Variants in CNIH3 observed in about 807,000 individuals in gnomAD.
CNIH3 encodes cornichon family AMPA receptor auxiliary protein 3.
CNIH3 carries 14 observed loss-of-function variants against 24.1 expected under a neutral mutation model. The ratio of observed to expected loss-of-function variants is 0.58; its 90% confidence interval spans 0.38 to 0.91. The LOEUF (loss-of-function observed/expected upper bound fraction) is 0.91. Among genes scored for constraint, CNIH3 ranks in the 40% least tolerant of loss-of-function variants. CNIH3 has a pLI of 0.00. For synonymous variants in CNIH3, 68 were observed against 73.8 expected (o/e 0.92, Z 0.40); for missense variants, 178 against 196.8 (o/e 0.90, Z 0.57).
intron 2 of CNIH3, among the ~76,000 whole-genome samples, chr1:224,523,353 C>G (rs1304389543): frequency 6.6e-6 from 1 of 152,096 alleles, no homozygotes; most frequent in East Asian, 1.9e-4. Context: ...TTGCAATGAA[C>G]ACTTTGTAAA....
chr1:224,701,380 T>C (rs1057496008), intron 3 of CNIH3, among the ~76,000 whole-genome samples: 1 of 152,136 alleles, frequency 6.6e-6, no homozygotes, highest in African/African-American at 2.4e-5. Flanking sequence ...ATTCAGCATC[T>C]GTAGAGGGCC....
Position 224,704,717 on chromosome 1 carries a change from A to G in CNIH3, c.198+19874A>G, listed in dbSNP as rs1687686979. Among the ~76,000 whole-genome samples the G allele has an allele frequency of 6.6e-6, 1 of 152,206 alleles. No individual in the cohort carries two copies. The highest frequency in any genetic ancestry group is 2.1e-4 in the South Asian group (1 of 4,834). ...CATTGTCACACCAAAGAACATGGCT[A>G]TAATATTGTCACCTAGTCATAGTCA... On this transcript the variant is annotated intron_variant, in intron 3 of 5. Transcript: ENST00000272133. The surrounding 1 kb of genome is among the most constrained non-coding windows in gnomAD (Gnocchi z 4.2).
intron 1 of CNIH3, among the ~76,000 whole-genome samples, chr1:224,440,940 C>A (rs929128491): frequency 3.9e-5 from 6 of 152,078 alleles, no homozygotes; most frequent in African/African-American, 1.4e-4. Flanking sequence ...CCTCAGCCTC[C>A]CGAGTAGCTG....
rs1348149868 is a variant in CNIH3 at position 224,458,392 on chromosome 1, C to T, written n.203+23530C>T. 1.3e-5 allele frequency among the ~76,000 whole-genome samples: 2 copies of T among 152,238 alleles called. No homozygotes were observed. The highest frequency in any genetic ancestry group is 4.8e-5 in the African/African-American group (2 of 41,454). ...GGGCTCTGGCTCACTCCCCGTCCCT[C>T]ATCCTACCAGGTGTGAGGCTGCCAG... On this transcript the variant is annotated intron_variant and non_coding_transcript_variant, in intron 1 of 5. Coordinates refer to the CNIH3 transcript ENST00000471578. The surrounding 1 kb of genome is among the most constrained non-coding windows in gnomAD (Gnocchi z 4.3).
chr1:224,545,695 G>A (rs1021474710), intron 2 of CNIH3, among the ~76,000 whole-genome samples: 3 of 152,200 alleles, frequency 2.0e-5, no homozygotes, highest in African/African-American at 7.2e-5. Flanking sequence ...AAGAGTCTGG[G>A]TCAGGGACTT....
At chr1:224,719,656 A>G (rs529684925) in intron 3 of CNIH3, among the ~76,000 whole-genome samples, 46 of 152,276 alleles carry the variant, frequency 3.0e-4, no homozygotes, top group African/African-American at 1.0e-3. Context: ...TACTATTATT[A>G]TTATCATTTT....
At chr1:224,733,982 C>T (rs1193807382) in intron 4 of CNIH3, among the ~76,000 whole-genome samples, 2 of 152,218 alleles carry the variant, frequency 1.3e-5, no homozygotes, top group Non-Finnish European at 2.9e-5. Context: ...TGCTCCCCCT[C>T]CTCCTCTTTC....
At chr1:224,608,641 C>T (rs1031975414) in intron 3 of CNIH3, among the ~76,000 whole-genome samples, 5 of 152,188 alleles carry the variant, frequency 3.3e-5, no homozygotes, top group Non-Finnish European at 5.9e-5. Flanking sequence ...CAGGGCACGG[C>T]GCCGGGCTGT....
At chr1:224,635,733 A>G (rs1351358049) in intron 1 of CNIH3, among the ~76,000 whole-genome samples, 1 of 152,188 alleles carries the variant, frequency 6.6e-6, no homozygotes, top group African/African-American at 2.4e-5. Context: ...ACAGGGTCTC[A>G]CTTTGTTGCC....
At chr1:224,629,654 A>G (rs545496812) in intron 1 of CNIH3, among the ~76,000 whole-genome samples, 1 of 152,108 alleles carries the variant, frequency 6.6e-6, no homozygotes, top group South Asian at 2.1e-4. Flanking sequence ...TCTCTTGTGT[A>G]TGTATTCAGA....
intron 1 of CNIH3, among the ~76,000 whole-genome samples, chr1:224,448,248 AC>A (rs1331961079): frequency 5.2e-5 from 7 of 135,276 alleles, no homozygotes; most frequent in Admixed American, 2.1e-4. Flanking sequence ...CAAAAAACAC[AC>A]AAAAAAAATC....
At chr1:224,492,666 G>A (rs1324048484) in intron 1 of CNIH3, among the ~76,000 whole-genome samples, 1 of 151,934 alleles carries the variant, frequency 6.6e-6, no homozygotes, top group Non-Finnish European at 1.5e-5. Flanking sequence ...ATTTTATTTT[G>A]CTGATCTTGG....
chr1:224,554,829 C>T (rs142072372), intron 3 of CNIH3, among the ~76,000 whole-genome samples: 337 of 152,264 alleles, frequency 2.2e-3, no homozygotes, highest in African/African-American at 7.7e-3. Flanking sequence ...TCAAGTGATC[C>T]TTCTGCCTCG....
At chr1:224,636,425 C>T (rs1208293326) in intron 1 of CNIH3, among the ~76,000 whole-genome samples, 10 of 152,184 alleles carry the variant, frequency 6.6e-5, no homozygotes, top group South Asian at 2.1e-4. Context: ...CTATTCAGGA[C>T]GAAGCCCGGA....
At chr1:224,648,713 C>T (rs1242729461) in intron 1 of CNIH3, among the ~76,000 whole-genome samples, 1 of 152,090 alleles carries the variant, frequency 6.6e-6, no homozygotes, top group African/African-American at 2.4e-5. Flanking sequence ...ATGGTGTAGA[C>T]ATAAGGAACA....
rs576530317 is a variant in CNIH3, at chr1:224,550,025, CAT to C, written n.450+3088_450+3089del. Reference sequence around the variant, plus strand: ...ATCACAGTGTGTAAACACAGGATATCATAGAATATCAGAGGGATGATATTTCT... The same window carrying C: ...ATCACAGTGTGTAAACACAGGATATCAGAATATCAGAGGGATGATATTTCT... On this transcript the variant is annotated intron_variant and non_coding_transcript_variant, in intron 3 of 5. Transcript: ENST00000471578. Among the ~76,000 whole-genome samples, 148 of 151,736 alleles carry C rather than the reference CAT, an allele frequency of 9.8e-4. 1 individual carries two copies. Among genetic ancestry groups the C allele is most frequent in the African/African-American group, 3.5e-3 (145 of 41,422 alleles).
chr1:224,612,338 A>G (rs1018480667), upstream of CNIH3, among the ~76,000 whole-genome samples: 1 of 152,020 alleles, frequency 6.6e-6, no homozygotes, highest in African/African-American at 2.4e-5. This position sits in a 1 kb window ranked among gnomAD's most constrained non-coding sequence, Gnocchi z 4.7. Flanking sequence ...GCATTTCTTA[A>G]TCTTGAGGAG....
At chr1:224,727,493 G>A (rs1689094565) in intron 3 of CNIH3, among the ~76,000 whole-genome samples, 2 of 152,180 alleles carry the variant, frequency 1.3e-5, no homozygotes, top group Non-Finnish European at 2.9e-5. Context: ...GCCGTTAAGT[G>A]GTCTGGCCTT....
At chr1:224,540,389 A>G (rs1239362405), downstream of CNIH3, among the ~76,000 whole-genome samples, 1 of 152,226 alleles carries the variant, frequency 6.6e-6, no homozygotes, top group African/African-American at 2.4e-5. Flanking sequence ...TTCAATAGCC[A>G]CCCATGCGGA....
Sources: gnomAD v4.1 joint callset for allele counts (sites outside exome capture counted in the v4.1 genomes callset) on GRCh38, gnomAD v4.1.1 for gene constraint, Gnocchi (gnomAD v3.1) non-coding constraint, MANE v1.5 for transcripts, NCBI Gene and HGNC (gene_info 2026-07-23, HGNC 2026-07-21) for gene names.